CHST9: variants seen among roughly 807,000 people sequenced by gnomAD.
CHST9 encodes the protein carbohydrate sulfotransferase 9.
CHST9 carries 41 observed loss-of-function variants against 44.4 expected under a neutral mutation model. That is an observed-to-expected ratio of 0.92 (90% CI 0.72 to 1.20). CHST9 has a LOEUF of 1.20. Ranked by LOEUF, CHST9 falls within the 50% of genes most tolerant of loss-of-function variation. The pLI, the probability that CHST9 is intolerant of heterozygous loss-of-function variation, is 0.00. For missense variants in CHST9, 504 were observed against 516.5 expected (o/e 0.98, Z 0.23); for synonymous variants, 171 against 178.4 (o/e 0.96, Z 0.33).
chr18:27,041,274 T>G (rs766544454), intron 3 of CHST9, among the ~76,000 whole-genome samples: 2 of 152,192 alleles, frequency 1.3e-5, no homozygotes, highest in African/African-American at 2.4e-5. Flanking sequence ...TTGTGATTTG[T>G]GTTTGTAATA....
chr18:27,059,284 T>A (rs1444856164), intron 2 of CHST9, among the ~76,000 whole-genome samples: 1 of 152,190 alleles, frequency 6.6e-6, no homozygotes, highest in Non-Finnish European at 1.5e-5. Context: ...TTAAAATATG[T>A]ATCTAGGCTT....
At chr18:26,920,217 C>A (rs2055622813) in intron 5 of CHST9, among the ~76,000 whole-genome samples, 1 of 152,178 alleles carries the variant, frequency 6.6e-6, no homozygotes, top group Non-Finnish European at 1.5e-5. Flanking sequence ...TTCCCACCAT[C>A]TTTCTGACCA....
intron 4 of CHST9, among the ~76,000 whole-genome samples, chr18:27,016,120 T>G (rs2057151130): frequency 6.6e-6 from 1 of 152,242 alleles, no homozygotes; most frequent in South Asian, 2.1e-4. Context: ...TTGGGCACTC[T>G]AAACAAAAGC....
At chr18:26,940,280 C>T (rs1186318380) in intron 5 of CHST9, among the ~76,000 whole-genome samples, 1 of 152,086 alleles carries the variant, frequency 6.6e-6, no homozygotes, top group Non-Finnish European at 1.5e-5. Flanking sequence ...CTCCTAAAGC[C>T]TGTGACCTTT....
intron 5 of CHST9, chr18:26,930,946 G>C (rs1480440536): frequency 6.6e-6 from 1 of 150,572 alleles, no homozygotes; most frequent in Admixed American, 6.6e-5. Context: ...GGGTGGGGTG[G>C]GGTGGGGGAG....
intron 4 of CHST9, among the ~76,000 whole-genome samples, chr18:27,015,810 A>G (rs1239715979): frequency 2.0e-5 from 3 of 152,126 alleles, no homozygotes; most frequent in Non-Finnish European, 4.4e-5. Context: ...TCTGCAATCC[A>G]TATTACCTGC....
intron 3 of CHST9, among the ~76,000 whole-genome samples, chr18:27,034,932 A>G (rs1390596960): frequency 2.6e-5 from 4 of 152,244 alleles, no homozygotes; most frequent in Admixed American, 1.3e-4. Flanking sequence ...ATACAGGCCT[A>G]CTGAAGCAGG....
chr18:27,175,195 T>C (rs1197413438), intron 1 of CHST9, among the ~76,000 whole-genome samples: 2 of 152,064 alleles, frequency 1.3e-5, no homozygotes, highest in Non-Finnish European at 2.9e-5. Flanking sequence ...ATTTTTTTCT[T>C]ATTTTAATTT....
chr18:26,936,136 A>T (rs976635372), intron 5 of CHST9: 7 of 152,186 alleles, frequency 4.6e-5, no homozygotes, highest in African/African-American at 1.4e-4. Flanking sequence ...GCCTTAGGGG[A>T]TGTAGACCAT....
chr18:27,015,816 C>T (rs2057146419), intron 4 of CHST9, among the ~76,000 whole-genome samples: 1 of 152,126 alleles, frequency 6.6e-6, no homozygotes, highest in Non-Finnish European at 1.5e-5. Context: ...ATCCATATTA[C>T]CTGCCTCAGA....
intron 1 of CHST9, among the ~76,000 whole-genome samples, chr18:27,159,435 T>G (rs2058727154): frequency 6.6e-6 from 1 of 152,200 alleles, no homozygotes; most frequent in African/African-American, 2.4e-5. Context: ...GTGGCATTAT[T>G]TCTGAGGGAT....
intron 2 of CHST9, among the ~76,000 whole-genome samples, chr18:27,117,041 C>T (rs2058328791): frequency 6.6e-6 from 1 of 151,806 alleles, no homozygotes. Flanking sequence ...TTCCAATCTA[C>T]ATACTGGACT....
chr18:27,030,862 C>T (rs1474482318), intron 3 of CHST9, among the ~76,000 whole-genome samples: 1 of 152,172 alleles, frequency 6.6e-6, no homozygotes, highest in Admixed American at 6.5e-5. Flanking sequence ...CTCATTCCCT[C>T]ACCTTCACCT....
At chr18:26,929,907 C>A (rs973506702) in intron 5 of CHST9, among the ~76,000 whole-genome samples, 3 of 152,140 alleles carry the variant, frequency 2.0e-5, no homozygotes, top group Non-Finnish European at 4.4e-5. Context: ...TGCCCCCAAC[C>A]CTGCCCAACA....
At chr18:27,127,174 A>T (rs747100041) in intron 2 of CHST9, among the ~76,000 whole-genome samples, 14 of 152,190 alleles carry the variant, frequency 9.2e-5, no homozygotes, top group Non-Finnish European at 1.8e-4. Context: ...CAAGGGATCA[A>T]ATTTCTGTGT....
chr18:27,177,799 G>A (rs934582920), intron 1 of CHST9, among the ~76,000 whole-genome samples: 1 of 151,970 alleles, frequency 6.6e-6, no homozygotes, highest in African/African-American at 2.4e-5. Flanking sequence ...GTATAGCAGA[G>A]TTAACAGTAC....
intron 3 of CHST9, among the ~76,000 whole-genome samples, chr18:27,044,088 C>G (rs1457117450): frequency 6.6e-6 from 1 of 151,094 alleles, no homozygotes; most frequent in African/African-American, 2.4e-5. Context: ...ACCTGGTAAA[C>G]TACTCCAATT....
chr18:27,063,867 G>T (rs544489285), intron 2 of CHST9, among the ~76,000 whole-genome samples: 13 of 152,094 alleles, frequency 8.5e-5, no homozygotes, highest in African/African-American at 3.1e-4. Flanking sequence ...ATCTGGGTGA[G>T]GGTGGTGGGG....
chr18:27,043,315 AG>A (rs1206476433), intron 3 of CHST9, among the ~76,000 whole-genome samples: 2 of 152,178 alleles, frequency 1.3e-5, no homozygotes, highest in East Asian at 3.9e-4. Context: ...CTGAAGTTCT[AG>A]GCTCTATTGC....
Sources: allele counts gnomAD v4.1 joint callset (sites outside exome capture counted in the v4.1 genomes callset), GRCh38; gene constraint gnomAD v4.1.1; transcripts MANE v1.5; gene names NCBI Gene and HGNC (gene_info 2026-07-23, HGNC 2026-07-21).